The following FAM135B variants were observed in gnomAD, a reference collection of about 807,000 sequenced individuals.
FAM135B encodes protein FAM135B.
A neutral mutation model predicts 127.7 loss-of-function variants in FAM135B; 43 were observed. The observed-to-expected ratio is 0.34, with a 90% CI of 0.26 to 0.43. The LOEUF (loss-of-function observed/expected upper bound fraction) is 0.43. Ranked by LOEUF, FAM135B falls within the 20% of genes least tolerant of loss-of-function variation. The pLI is 1.00. For missense variants in FAM135B, 1,558 were observed against 1,725.6 expected, an observed-to-expected ratio of 0.90 and a Z score of 1.72; for synonymous variants, 670 against 665.1, an observed-to-expected ratio of 1.01 and a Z score of -0.11.
chr8:138,294,469 A>G (rs1055402009), intron 3 of FAM135B, among the ~76,000 whole-genome samples: 4 of 152,196 alleles, frequency 2.6e-5, no homozygotes, highest in Non-Finnish European at 5.9e-5. Flanking sequence ...TTATACCTCA[A>G]TAAAGCTAGA....
At chr8:138,219,668 C>T (rs1398776279) in intron 7 of FAM135B, among the ~76,000 whole-genome samples, 1 of 152,154 alleles carries the variant, frequency 6.6e-6, no homozygotes, top group Non-Finnish European at 1.5e-5. Flanking sequence ...TCCCTCTCAC[C>T]CAGACGTGTT....
At chr8:138,202,943 G>C (rs1817262263) in intron 7 of FAM135B, among the ~76,000 whole-genome samples, 1 of 152,112 alleles carries the variant, frequency 6.6e-6, no homozygotes, top group Non-Finnish European at 1.5e-5. Context: ...CTCACGGATG[G>C]CTCCCTCACT....
chr8:138,275,143 G>A (rs1823720992), intron 3 of FAM135B, among the ~76,000 whole-genome samples: 1 of 150,936 alleles, frequency 6.6e-6, no homozygotes, highest in Non-Finnish European at 1.5e-5. Flanking sequence ...GTATTAATTT[G>A]GAGAACTAAT....
At chr8:138,285,841 A>C (rs951554787) in intron 3 of FAM135B, among the ~76,000 whole-genome samples, 4 of 152,220 alleles carry the variant, frequency 2.6e-5, no homozygotes, top group African/African-American at 9.6e-5. Context: ...ATTTAGGTGA[A>C]AGCAAAAGGT....
rs1820963432 is a variant in FAM135B at position 138,243,073 on chromosome 8, A to C, written c.543-5T>G. The C allele has an allele frequency of 1.2e-6, 2 of 1,604,682 alleles. No individual in the cohort carries two copies. The highest frequency in any genetic ancestry group is 2.7e-5 in the African/African-American group (2 of 74,282). The stretch of plus-strand genomic sequence containing the variant: ...CCTCTTCCTGGACGAGTAAAACTAA[A>C]CAAAAGATAATTGAAAGGGTGAAAA... On this transcript the variant is annotated splice_polypyrimidine_tract_variant and splice_region_variant and intron_variant, in intron 6 of 19. Transcript: ENST00000395297. This position sits in a 1 kb window ranked among gnomAD's most constrained non-coding sequence, Gnocchi z 7.5.
Position 138,241,083 on chromosome 8 carries a change from A to G in FAM135B, c.669+1859T>C, listed in dbSNP as rs941329875. ...TGGGGGCTGAAGGAAGGAAGACTGG[A>G]CATAGGGAGAAGCTGAACTGTGATG... On this transcript the variant is annotated intron_variant, in intron 7 of 19. Transcript: ENST00000395297. The surrounding 1 kb of genome is among the most constrained non-coding windows in gnomAD (Gnocchi z 4.8). Among the ~76,000 whole-genome samples the G allele has an allele frequency of 6.6e-6, 1 of 152,136 alleles. No individual in the cohort carries two copies. The highest frequency in any genetic ancestry group is 2.4e-5 in the African/African-American group (1 of 41,428).
intron 1 of FAM135B, among the ~76,000 whole-genome samples, chr8:138,487,019 G>A (rs1319064463): frequency 1.3e-5 from 2 of 151,668 alleles, no homozygotes; most frequent in Non-Finnish European, 2.9e-5. Context: ...ACAACGTGCC[G>A]GTTTGTTACA....
intron 1 of FAM135B, among the ~76,000 whole-genome samples, chr8:138,463,629 C>T (rs181647053): frequency 4.3e-4 from 66 of 152,242 alleles, no homozygotes; most frequent in African/African-American, 1.5e-3. Context: ...TACCAAAGGT[C>T]CTGTAACCAA....
chr8:138,318,493 T>A (rs7812330), intron 2 of FAM135B, among the ~76,000 whole-genome samples: 43,112 of 152,018 alleles, frequency 0.28, 6,443 homozygotes, highest in South Asian at 0.43. Flanking sequence ...TCTTGGTTGA[T>A]CCCCCACAAA....
intron 1 of FAM135B, among the ~76,000 whole-genome samples, chr8:138,391,715 T>A (rs1032060579): frequency 3.4e-5 from 5 of 145,292 alleles, no homozygotes; most frequent in African/African-American, 1.3e-4. Flanking sequence ...TCCCTCCATG[T>A]CAGGCACTGT....
chr8:138,328,652 C>T (rs542333762), intron 2 of FAM135B, among the ~76,000 whole-genome samples: 4 of 152,106 alleles, frequency 2.6e-5, no homozygotes, highest in East Asian at 1.9e-4. Flanking sequence ...ATAGATGGAC[C>T]GAGCTACCTT....
At chr8:138,477,798 T>A (rs991697193) in intron 1 of FAM135B, among the ~76,000 whole-genome samples, 3 of 152,240 alleles carry the variant, frequency 2.0e-5, no homozygotes, top group Non-Finnish European at 4.4e-5. Flanking sequence ...TACTTTGTCC[T>A]GATTCAAAGA....
chr8:138,144,040 T>C (rs1279547005), intron 15 of FAM135B, among the ~76,000 whole-genome samples: 1 of 152,230 alleles, frequency 6.6e-6, no homozygotes, highest in African/African-American at 2.4e-5. Flanking sequence ...ATCTGTGCCC[T>C]GGACCTGTTG....
intron 2 of FAM135B, among the ~76,000 whole-genome samples, chr8:138,313,667 C>A (rs1233240342): frequency 9.3e-6 from 1 of 107,250 alleles, no homozygotes; most frequent in Non-Finnish European, 2.2e-5. Context: ...CTGTACCCCG[C>A]AGATAAATTT....
At chr8:138,467,804 A>T (rs1476957079) in intron 1 of FAM135B, among the ~76,000 whole-genome samples, 2 of 152,220 alleles carry the variant, frequency 1.3e-5, no homozygotes, top group Non-Finnish European at 2.9e-5. Flanking sequence ...AAATATCTAT[A>T]AGCAAATTTC....
chr8:138,280,742 T>TG (rs770352180), intron 3 of FAM135B, among the ~76,000 whole-genome samples: 13 of 152,270 alleles, frequency 8.5e-5, no homozygotes, highest in Admixed American at 2.6e-4. Flanking sequence ...AGCACAGGTT[T>TG]GGATCGATAG....
At chr8:138,244,676 C>T (rs191395846) in intron 6 of FAM135B, among the ~76,000 whole-genome samples, 1 of 152,352 alleles carries the variant, frequency 6.6e-6, no homozygotes, top group African/African-American at 2.4e-5. Flanking sequence ...ATAGAAGGAA[C>T]ATTCCAGAAG....
At chr8:138,483,651 G>A (rs1438061487) in intron 1 of FAM135B, among the ~76,000 whole-genome samples, 1 of 152,040 alleles carries the variant, frequency 6.6e-6, no homozygotes, top group East Asian at 1.9e-4. Context: ...TCCCTCTTTG[G>A]GGGTACCTCA....
At position 138,242,831 on chromosome 8, in the gene FAM135B, T is replaced by G. The variant is rs577788650; in HGVS notation, c.669+111A>C. 6.3e-6 allele frequency: 9 copies of G among 1,427,082 alleles called. No individual in the cohort carries two copies. The Admixed American group carries it at 2.2e-4, about 35-fold the overall frequency. 88.4% of individuals were successfully genotyped at this position (1,427,082 alleles called of 1,614,324 possible). A position where few individuals can be genotyped will look rare whatever the true frequency, so the allele number is the denominator to read the frequency against. On this transcript the variant is annotated intron_variant, in intron 7 of 19. Transcript: ENST00000395297. The surrounding 1 kb of genome is among the most constrained non-coding windows in gnomAD (Gnocchi z 9.6). The stretch of plus-strand genomic sequence containing the variant: ...AAGATGGTGAAAGGAAGGGTCAAAT[T>G]AGCAAAAATCTCTGAAGGGGATGTT...
Sources: allele counts gnomAD v4.1 joint callset (sites outside exome capture counted in the v4.1 genomes callset), GRCh38; gene constraint gnomAD v4.1.1; non-coding constraint Gnocchi (gnomAD v3.1); transcripts MANE v1.5; gene names NCBI Gene and HGNC (gene_info 2026-07-23, HGNC 2026-07-21).